DLG2: variants seen among roughly 807,000 people sequenced by gnomAD.
DLG2 encodes the protein disks large homolog 2.
In DLG2, 45 loss-of-function variants were observed where a neutral mutation model predicts 132.5. The ratio of observed to expected loss-of-function variants is 0.34; its 90% CI spans 0.27 to 0.44. The LOEUF is 0.44. Among genes scored for constraint, DLG2 ranks in the 20% least tolerant of loss-of-function variants. The pLI is 1.00. For synonymous variants in DLG2, 424 were observed against 419.6 expected, an observed-to-expected ratio of 1.01 and a Z score of -0.13; for missense variants, 1,045 against 1,196.9, an observed-to-expected ratio of 0.87 and a Z score of 1.87.
intron 6 of DLG2, among the ~76,000 whole-genome samples, chr11:84,893,664 GGTTT>G (rs2089773806): frequency 1.3e-5 from 2 of 152,038 alleles, no homozygotes; most frequent in African/African-American, 2.4e-5. Context: ...ATTCAGTGAC[GGTTT>G]GTTAGCTTGT....
At chr11:83,470,446 A>G (rs768790117) in intron 24 of DLG2, among the ~76,000 whole-genome samples, 1 of 152,178 alleles carries the variant, frequency 6.6e-6, no homozygotes, top group South Asian at 2.1e-4. Context: ...AGTTTTGTAC[A>G]ATGAACATCT....
chr11:85,036,836 A>C (rs945577240), intron 6 of DLG2, among the ~76,000 whole-genome samples: 16 of 152,208 alleles, frequency 1.1e-4, no homozygotes, highest in African/African-American at 3.6e-4. Flanking sequence ...ATCTATTAAA[A>C]GGATGTATCA....
At chr11:83,798,709 T>C (rs1454864278) in intron 17 of DLG2, among the ~76,000 whole-genome samples, 1 of 152,036 alleles carries the variant, frequency 6.6e-6, no homozygotes, top group Non-Finnish European at 1.5e-5. Flanking sequence ...AGGGAAGAAA[T>C]TGGTGTAGGA....
chr11:83,820,713 T>TG (rs1372941662), intron 17 of DLG2, among the ~76,000 whole-genome samples: 1 of 152,150 alleles, frequency 6.6e-6, no homozygotes, highest in Non-Finnish European at 1.5e-5. Flanking sequence ...ACTGATTCAC[T>TG]GATGAGCAAG....
chr11:84,988,346 A>G (rs187872161), intron 6 of DLG2, among the ~76,000 whole-genome samples: 188 of 152,348 alleles, frequency 1.2e-3, no homozygotes, highest in African/African-American at 4.4e-3. Flanking sequence ...CATTTGATCC[A>G]GCGATCCCAC....
At chr11:83,537,416 G>A (rs1200366042) in intron 20 of DLG2, among the ~76,000 whole-genome samples, 4 of 152,148 alleles carry the variant, frequency 2.6e-5, no homozygotes, top group Non-Finnish European at 5.9e-5. Context: ...GGCTTGCTGT[G>A]ACAGCTAGGT....
At chr11:83,995,806 C>T (rs778306577) in intron 11 of DLG2, among the ~76,000 whole-genome samples, 1 of 152,086 alleles carries the variant, frequency 6.6e-6, no homozygotes, top group African/African-American at 2.4e-5. Context: ...TAACTATTGC[C>T]ATATACAAAA....
intron 7 of DLG2, among the ~76,000 whole-genome samples, chr11:84,404,680 C>A (rs909745969): frequency 2.6e-5 from 4 of 152,014 alleles, no homozygotes. Flanking sequence ...ATGCTGTAAA[C>A]TCCCTGATTT....
chr11:83,520,608 C>T (rs1328049091), intron 21 of DLG2, among the ~76,000 whole-genome samples: 1 of 134,506 alleles, frequency 7.4e-6, no homozygotes, highest in Non-Finnish European at 1.7e-5. Context: ...GATAGAAAGA[C>T]AGACAGACAG....
At chr11:84,245,860 G>T (rs1262381542) in intron 8 of DLG2, among the ~76,000 whole-genome samples, 1 of 151,930 alleles carries the variant, frequency 6.6e-6, no homozygotes, top group African/African-American at 2.4e-5. Context: ...TTTATTTAAG[G>T]CCCTGATGTA....
At chr11:85,050,305 A>G (rs575651239) in intron 6 of DLG2, among the ~76,000 whole-genome samples, 1 of 152,210 alleles carries the variant, frequency 6.6e-6, no homozygotes, top group Non-Finnish European at 1.5e-5. Context: ...TACCTCGGCT[A>G]GACCACATAG....
chr11:84,163,892 T>C (rs1199524944), intron 8 of DLG2, among the ~76,000 whole-genome samples: 2 of 152,180 alleles, frequency 1.3e-5, no homozygotes, highest in African/African-American at 2.4e-5. Context: ...CACTAAAATA[T>C]GACCTTAAAA....
chr11:84,746,364 C>T (rs1013830287), intron 6 of DLG2, among the ~76,000 whole-genome samples: 4 of 150,348 alleles, frequency 2.7e-5, no homozygotes, highest in African/African-American at 9.8e-5. Flanking sequence ...AATTAATATG[C>T]TGTATTATTT....
chr11:84,122,374 T>C (rs1166787762), intron 9 of DLG2, among the ~76,000 whole-genome samples: 1 of 152,196 alleles, frequency 6.6e-6, no homozygotes, highest in East Asian at 1.9e-4. Flanking sequence ...AAGCTCTCAG[T>C]GCTTTCAGAG....
chr11:85,123,745 G>A (rs1257646508), intron 5 of DLG2, among the ~76,000 whole-genome samples: 1 of 152,162 alleles, frequency 6.6e-6, no homozygotes, highest in Admixed American at 6.5e-5. Context: ...CAAAAGGTTA[G>A]CTCGAGAACT....
chr11:83,545,320 A>T (rs1475369464), intron 19 of DLG2, among the ~76,000 whole-genome samples: 3 of 152,170 alleles, frequency 2.0e-5, no homozygotes, highest in Non-Finnish European at 2.9e-5. Flanking sequence ...GTATTGTAAC[A>T]CTAGCCTGGC....
chr11:84,409,367 T>C (rs1272474518), intron 7 of DLG2, among the ~76,000 whole-genome samples: 1 of 152,196 alleles, frequency 6.6e-6, no homozygotes, highest in Non-Finnish European at 1.5e-5. Context: ...AGTGGAATCC[T>C]AAACTTTTGT....
At chr11:84,686,716 G>A (rs959227024) in intron 6 of DLG2, 1 of 144,828 alleles carries the variant, frequency 6.9e-6, no homozygotes, top group Non-Finnish European at 1.5e-5. Flanking sequence ...TCTAACAGTC[G>A]ATAGTGACTG....
intron 9 of DLG2, among the ~76,000 whole-genome samples, chr11:84,120,305 A>G (rs886306483): frequency 6.6e-6 from 1 of 152,202 alleles, no homozygotes; most frequent in Non-Finnish European, 1.5e-5. Flanking sequence ...AAATGGAAAA[A>G]AGGGTAGGCA....
Sources: gnomAD v4.1 joint callset for allele counts (sites outside exome capture counted in the v4.1 genomes callset) on GRCh38, gnomAD v4.1.1 for gene constraint, MANE v1.5 for transcripts, NCBI Gene and HGNC (gene_info 2026-07-23, HGNC 2026-07-21) for gene names.